NIN: variants seen among roughly 807,000 people sequenced by gnomAD.
The protein encoded by NIN is glycogen synthase kinase 3 beta-interacting protein.
A neutral mutation model predicts 257.6 loss-of-function variants in NIN; 137 were observed. That is an observed-to-expected ratio of 0.53 (90% CI 0.46 to 0.61). The LOEUF (loss-of-function observed/expected upper bound fraction) is 0.61. NIN is among the 20% of genes least tolerant of loss of function. The pLI is 0.00. For missense variants in NIN, 2,439 were observed against 2,501.2 expected (o/e 0.98, Z 0.53); for synonymous variants, 918 against 919.8 (o/e 1.00, Z 0.04).
intron 22 of NIN, among the ~76,000 whole-genome samples, chr14:50,746,618 T>C (rs1372835415): frequency 6.6e-6 from 1 of 152,204 alleles, no homozygotes; most frequent in Non-Finnish European, 1.5e-5. Context: ...ATGTTAAGAA[T>C]GAAAATTTTA....
intron 5 of NIN, among the ~76,000 whole-genome samples, chr14:50,789,584 AAAACAAAACAAAC>A (rs2043495512): frequency 6.6e-6 from 1 of 152,186 alleles, no homozygotes; most frequent in African/African-American, 2.4e-5. Flanking sequence ...AAAACAAAAC[AAAACAAAACAAAC>A]AAACAAAAAA....
At chr14:50,779,946 G>A (rs2043068539) in intron 5 of NIN, among the ~76,000 whole-genome samples, 2 of 152,144 alleles carry the variant, frequency 1.3e-5, no homozygotes, top group South Asian at 4.1e-4. Flanking sequence ...TATCTGAATT[G>A]GACCATTTTG....
At position 50,757,457 on chromosome 14, in the gene NIN, A is replaced by C. The variant is rs1306161960; in HGVS notation, c.3573T>G (p.Thr1191=). The change falls in exon 18 of 31, where the codon ACT becomes ACG. Residue 1191 remains threonine, a synonymous_variant. Transcript: ENST00000530997. ...TCTGATTCTTCAGCTCCCAGGATTC[A>C]GTCCTGGTCTCTTCACTGTTTTCAA... is the stretch of plus-strand genomic sequence containing the variant. ...SELENSEETR[T]ESWELKNQIS... 3 of 1,614,108 alleles carry C rather than the reference A, an allele frequency of 1.9e-6. No homozygotes were observed. In the South Asian group the frequency reaches 3.3e-5, roughly 18 times the overall value.
chr14:50,795,011 T>C (rs537258884), intron 4 of NIN, among the ~76,000 whole-genome samples: 12 of 152,342 alleles, frequency 7.9e-5, no homozygotes, highest in African/African-American at 1.2e-4. Context: ...TATTTTTGCA[T>C]TGCCAGGCAT....
At chr14:50,739,249 T>C (rs2041152468) in intron 26 of NIN, 59 bp downstream of exon 26, 4 of 1,528,768 alleles carry the variant, frequency 2.6e-6, no homozygotes, top group Non-Finnish European at 3.6e-6. Flanking sequence ...CAACATTCAT[T>C]TTCCTATCAA....
At chr14:50,725,802 T>C (rs979554415) in intron 30 of NIN, 151 bp downstream of exon 30, 22 of 1,417,476 alleles carry the variant, frequency 1.6e-5, no homozygotes, top group African/African-American at 2.9e-5. Flanking sequence ...ATATGAGGGA[T>C]AGCAAATCCT....
At chr14:50,753,495 C>A (rs1202374457) in intron 20 of NIN, among the ~76,000 whole-genome samples, 4 of 151,758 alleles carry the variant, frequency 2.6e-5, no homozygotes, top group Non-Finnish European at 4.4e-5. Context: ...GTAAGATATT[C>A]CATAATGCAT....
Position 50,721,622 on chromosome 14 carries a change from C to T in NIN, c.*1841G>A, listed in dbSNP as rs909483911. The T allele has an allele frequency of 3.7e-5, 8 of 218,610 alleles. No individual in the cohort carries two copies. The highest frequency in any genetic ancestry group is 9.0e-5 in the African/African-American group (4 of 44,510). 13.5% of individuals were successfully genotyped at this position (218,610 alleles called of 1,614,324 possible). ...AAACACTTACTAGAAATGTCTGCAC[C>T]ACAGAAGAAAGATCTAAAGAAGGCA... On this transcript the variant is annotated 3_prime_UTR_variant, in exon 31 of 31. Transcript: ENST00000530997.
chr14:50,767,346 A>G (rs2042528809), intron 12 of NIN, among the ~76,000 whole-genome samples: 1 of 152,220 alleles, frequency 6.6e-6, no homozygotes, highest in Non-Finnish European at 1.5e-5. Flanking sequence ...TCACCTTTCA[A>G]TGTGGCTATT....
intron 13 of NIN, 136 bp from the exon 14 acceptor site, chr14:50,766,532 C>A: frequency 1.3e-6 from 1 of 760,586 alleles, no homozygotes; most frequent in Non-Finnish European, 2.3e-6. Flanking sequence ...ACGAACAACA[C>A]CAACTGGGTG....
Position 50,754,797 on chromosome 14 carries a change from C to G in NIN, c.4609G>C (p.Asp1537His). Residue 1537 changes from aspartate to histidine, a missense_variant, in exon 19 of 31, where the codon GAT becomes CAT. Transcript: ENST00000530997. ...RNEITTLNEE[D>H]SISNLKLGTL... The stretch of plus-strand genomic sequence containing the variant: ...CCTAATTTCAGGTTAGAAATGCTAT[C>G]TTCTTCATTTAAAGTAGTAATTTCA... 1 of 1,581,470 alleles carries G rather than the reference C, an allele frequency of 6.3e-7. No homozygotes were observed. The highest frequency in any genetic ancestry group is 8.6e-7 in the Non-Finnish European group (1 of 1,160,620).
At chr14:50,758,678 G>A (rs1284046815) in intron 17 of NIN, 48 bp from the exon 18 acceptor site, 2 of 1,501,596 alleles carry the variant, frequency 1.3e-6, no homozygotes, top group East Asian at 2.3e-5. Flanking sequence ...GCCAACTCCA[G>A]AAGCAAACAA....
chr14:50,799,049 A>G (rs955072910), intron 4 of NIN, among the ~76,000 whole-genome samples: 6 of 152,146 alleles, frequency 3.9e-5, no homozygotes, highest in African/African-American at 1.4e-4. Context: ...GTGCTGGGAT[A>G]TGGCTCCCAA....
chr14:50,823,760 T>A (rs2045340192), intron 2 of NIN, among the ~76,000 whole-genome samples: 1 of 152,274 alleles, frequency 6.6e-6, no homozygotes, highest in Non-Finnish European at 1.5e-5. Context: ...TCAGTTTTTC[T>A]GTTACTAAGG....
chr14:50,740,331 C>T (rs1406721743), intron 25 of NIN, among the ~76,000 whole-genome samples: 3 of 149,208 alleles, frequency 2.0e-5, no homozygotes, highest in Non-Finnish European at 3.0e-5. Context: ...GGATTATGGG[C>T]GCATGTACTA....
At chr14:50,771,663 CA>C (rs1427312947) in intron 9 of NIN, among the ~76,000 whole-genome samples, 195 bp from the exon 10 acceptor site, 1 of 151,148 alleles carries the variant, frequency 6.6e-6, no homozygotes, top group South Asian at 2.1e-4. Flanking sequence ...GAAAGCATAA[CA>C]TGGTTATTTG....
chr14:50,731,528 CA>C (rs34408175), intron 28 of NIN, among the ~76,000 whole-genome samples: 45,970 of 96,052 alleles, frequency 0.48, 9,165 homozygotes, highest in East Asian at 0.74. Context: ...GACTCCATCT[CA>C]AAAAAAAAAA....
intron 29 of NIN, among the ~76,000 whole-genome samples, chr14:50,726,651 G>A (rs1051852878): frequency 2.6e-5 from 4 of 152,208 alleles, no homozygotes; most frequent in Non-Finnish European, 4.4e-5. Context: ...TGGATTGGAG[G>A]ATGGGTTTAC....
At chr14:50,756,316 C>T (rs1566809341) in intron 18 of NIN, among the ~76,000 whole-genome samples, 176 bp downstream of exon 18, 1 of 152,178 alleles carries the variant, frequency 6.6e-6, no homozygotes, top group Non-Finnish European at 1.5e-5. Context: ...GGGAATGCCT[C>T]CTAAACAAGG....
Sources: gnomAD v4.1 joint callset for allele counts (sites outside exome capture counted in the v4.1 genomes callset) on GRCh38, gnomAD v4.1.1 for gene constraint, MANE v1.5 for transcripts, NCBI Gene and HGNC (gene_info 2026-07-23, HGNC 2026-07-21) for gene names.